The following DLG2 variants were observed in gnomAD, a reference collection of about 807,000 sequenced individuals.
DLG2 encodes the protein discs large MAGUK scaffold protein 2.
A neutral mutation model predicts 132.5 loss-of-function variants in DLG2; 45 were observed. The ratio of observed to expected loss-of-function variants is 0.34; its 90% CI spans 0.27 to 0.44. The LOEUF (loss-of-function observed/expected upper bound fraction) is 0.44, where lower values mean the gene tolerates loss of function less well. Ranked by LOEUF, DLG2 falls within the 20% of genes least tolerant of loss-of-function variation. The pLI is 1.00. For synonymous variants in DLG2, 424 were observed against 419.6 expected, an observed-to-expected ratio of 1.01 and a Z score of -0.13; for missense variants, 1,045 against 1,196.9, an observed-to-expected ratio of 0.87 and a Z score of 1.87.
At chr11:84,469,835 G>A (rs2099104140) in intron 7 of DLG2, among the ~76,000 whole-genome samples, 1 of 151,626 alleles carries the variant, frequency 6.6e-6, no homozygotes, top group South Asian at 2.1e-4. Flanking sequence ...AGAGTCATGG[G>A]TTGCTGAACA....
chr11:84,583,593 A>G (rs184451109), intron 6 of DLG2, among the ~76,000 whole-genome samples: 46 of 152,332 alleles, frequency 3.0e-4, no homozygotes, highest in Non-Finnish European at 5.6e-4. Flanking sequence ...AAGCACAGTA[A>G]TGAAATTAAC....
At chr11:84,966,057 TG>T (rs1379647925) in intron 6 of DLG2, among the ~76,000 whole-genome samples, 1 of 152,034 alleles carries the variant, frequency 6.6e-6, no homozygotes, top group Non-Finnish European at 1.5e-5. Context: ...ATAAAGCACA[TG>T]TTTGGTATTT....
intron 7 of DLG2, among the ~76,000 whole-genome samples, chr11:84,283,533 CT>C (rs1384638524): frequency 6.6e-6 from 1 of 152,150 alleles, no homozygotes; most frequent in African/African-American, 2.4e-5. Context: ...AAATTCACAT[CT>C]TTTGGTTATT....
intron 4 of DLG2, among the ~76,000 whole-genome samples, chr11:85,233,742 T>C (rs2075428798): frequency 6.6e-6 from 1 of 151,222 alleles, no homozygotes; most frequent in South Asian, 2.1e-4. Context: ...TTTTCAAGAT[T>C]GCTGCATCAG....
At chr11:84,461,035 C>A (rs1415212335) in intron 7 of DLG2, among the ~76,000 whole-genome samples, 2 of 150,768 alleles carry the variant, frequency 1.3e-5, no homozygotes, top group Non-Finnish European at 3.0e-5. Flanking sequence ...CTGAAAATTT[C>A]TTCAGCTATA....
intron 22 of DLG2, among the ~76,000 whole-genome samples, chr11:83,481,761 AGTGC>A (rs2093129977): frequency 6.6e-6 from 1 of 152,164 alleles, no homozygotes; most frequent in Non-Finnish European, 1.5e-5. Context: ...AATCAATAAT[AGTGC>A]ATTTCATGGA....
intron 7 of DLG2, among the ~76,000 whole-genome samples, chr11:84,435,575 C>G (rs2098997937): frequency 6.6e-6 from 1 of 152,112 alleles, no homozygotes; most frequent in African/African-American, 2.4e-5. Context: ...CTTCAGTTCT[C>G]TAATGTAGAT....
chr11:84,037,504 T>G (rs946446591), intron 11 of DLG2, among the ~76,000 whole-genome samples: 1 of 152,150 alleles, frequency 6.6e-6, no homozygotes, highest in African/African-American at 2.4e-5. Context: ...ACTGTTTATA[T>G]AACATATTGA....
intron 16 of DLG2, among the ~76,000 whole-genome samples, chr11:83,850,311 T>G (rs1054186735): frequency 4.6e-5 from 7 of 152,048 alleles, no homozygotes; most frequent in African/African-American, 1.4e-4. Context: ...GTGCCACCAC[T>G]CCCGGCTAAT....
intron 19 of DLG2, among the ~76,000 whole-genome samples, chr11:83,629,352 G>A (rs1262261865): frequency 2.0e-5 from 3 of 152,092 alleles, no homozygotes; most frequent in African/African-American, 7.2e-5. Flanking sequence ...AAACTCAGAG[G>A]TTATTTGCTT....
intron 7 of DLG2, among the ~76,000 whole-genome samples, chr11:84,523,580 G>A (rs1461083230): frequency 6.6e-6 from 1 of 152,162 alleles, no homozygotes. Flanking sequence ...ATTCCAGACT[G>A]TTTAGAAATA....
At chr11:84,225,314 A>G (rs965551813) in intron 8 of DLG2, among the ~76,000 whole-genome samples, 7 of 152,230 alleles carry the variant, frequency 4.6e-5, no homozygotes, top group African/African-American at 1.4e-4. Flanking sequence ...TGCATATCAC[A>G]CACACATACT....
intron 6 of DLG2, among the ~76,000 whole-genome samples, chr11:85,085,788 T>C (rs1160368527): frequency 6.6e-6 from 1 of 152,172 alleles, no homozygotes; most frequent in African/African-American, 2.4e-5. Context: ...ATTTGAACTG[T>C]GACTCCAAAG....
intron 15 of DLG2, among the ~76,000 whole-genome samples, chr11:83,894,107 C>T (rs1012796137): frequency 5.3e-5 from 8 of 152,186 alleles, no homozygotes; most frequent in East Asian, 1.9e-4. Context: ...ATTCACTTTA[C>T]TCAGTCGTCT....
At chr11:83,669,801 C>T (rs1325680640) in intron 18 of DLG2, among the ~76,000 whole-genome samples, 1 of 152,096 alleles carries the variant, frequency 6.6e-6, no homozygotes, top group African/African-American at 2.4e-5. Context: ...CAGTGCTAAA[C>T]ATAAAGTAAG....
At chr11:84,517,413 C>T (rs878968724) in intron 7 of DLG2, among the ~76,000 whole-genome samples, 1 of 151,798 alleles carries the variant, frequency 6.6e-6, no homozygotes, top group Non-Finnish European at 1.5e-5. Context: ...TATCACTAAT[C>T]ATCAGGGAAA....
chr11:84,027,932 C>G (rs2095583575), intron 11 of DLG2, among the ~76,000 whole-genome samples: 1 of 151,780 alleles, frequency 6.6e-6, no homozygotes, highest in East Asian at 1.9e-4. Context: ...TAAGAATGTA[C>G]AGAAGGACAA....
chr11:83,774,647 G>T (rs1374036858), intron 18 of DLG2, among the ~76,000 whole-genome samples: 4 of 152,042 alleles, frequency 2.6e-5, no homozygotes, highest in Admixed American at 6.5e-5. Context: ...ACTCTGTGAA[G>T]CTCTTTGACC....
intron 6 of DLG2, among the ~76,000 whole-genome samples, chr11:84,656,987 TCCTTAA>T (rs1199182895): frequency 1.3e-5 from 2 of 152,160 alleles, no homozygotes; most frequent in African/African-American, 4.8e-5. Flanking sequence ...GTTATCTTTA[TCCTTAA>T]CCTTAACAAC....
Sources: allele counts gnomAD v4.1 joint callset (sites outside exome capture counted in the v4.1 genomes callset), GRCh38; gene constraint gnomAD v4.1.1; transcripts MANE v1.5; gene names NCBI Gene and HGNC (gene_info 2026-07-23, HGNC 2026-07-21).